The following SLC35F3 variants were observed in gnomAD, a reference collection of about 807,000 sequenced individuals.
The protein encoded by SLC35F3 is putative thiamine transporter SLC35F3.
SLC35F3 carries 25 observed loss-of-function variants against 49.9 expected under a neutral mutation model. The ratio of observed to expected loss-of-function variants is 0.50; its 90% CI spans 0.37 to 0.70. The LOEUF is 0.70. Ranked by LOEUF, SLC35F3 falls within the 30% of genes least tolerant of loss-of-function variation. The pLI is 0.00. For synonymous variants in SLC35F3, 275 were observed against 265.4 expected (o/e 1.04, Z -0.35); for missense variants, 525 against 639.8 (o/e 0.82, Z 1.94).
intron 2 of SLC35F3, among the ~76,000 whole-genome samples, chr1:234,108,467 T>A (rs1283580642): frequency 1.1e-5 from 1 of 90,586 alleles, no homozygotes; most frequent in Non-Finnish European, 2.2e-5. Context: ...TTTATATATA[T>A]AAAAGATATA....
chr1:234,069,245 A>G (rs1033363373), intron 2 of SLC35F3, among the ~76,000 whole-genome samples: 2 of 129,794 alleles, frequency 1.5e-5, no homozygotes, highest in African/African-American at 6.0e-5. Flanking sequence ...AAAATATATA[A>G]TATATATATA....
At chr1:234,236,018 G>C (rs1260297508) in intron 3 of SLC35F3, among the ~76,000 whole-genome samples, 1 of 152,146 alleles carries the variant, frequency 6.6e-6, no homozygotes, top group Admixed American at 6.5e-5. Flanking sequence ...CAAGATAAAT[G>C]GACTCTGGAA....
rs188976174 is a variant in SLC35F3, at chr1:233,916,055, C to A, written c.283+10297C>A. Among the ~76,000 whole-genome samples the A allele has an allele frequency of 1.7e-3, 261 of 152,272 alleles. 1 individual carries two copies. Among genetic ancestry groups the A allele is most frequent in the African/African-American group, 6.1e-3 (253 of 41,558 alleles). On this transcript the variant is annotated intron_variant, in intron 2 of 7. Coordinates refer to ENST00000366618, the MANE Select transcript of SLC35F3 (RefSeq NM_173508.4). ...ATAAACATTTTCCATGGCAAAAGTG[C>A]ATTACACTGGTGTGAGTACTAAGGA...
chr1:234,013,770 A>T (rs1177865342), intron 2 of SLC35F3, among the ~76,000 whole-genome samples: 2 of 152,016 alleles, frequency 1.3e-5, no homozygotes, highest in African/African-American at 4.8e-5. Context: ...TACAATTACC[A>T]AGACGGAATT....
In SLC35F3 at chr1:234,323,034, G is replaced by A. The variant is rs769492653; in HGVS notation, c.1264G>A (p.Val422Ile). The change falls in exon 8 of 8, where the codon GTC (valine) becomes ATC (isoleucine). Residue 422 changes from valine to isoleucine, a missense_variant. Val to Ile is a conservative substitution (Grantham distance 29). Transcript: ENST00000366618. This position sits in a 1 kb window ranked among gnomAD's most constrained non-coding sequence, Gnocchi z 4.5. ...GATTGATCACTACACCAGTCAGATC[G>A]TCTTCAATGGGGTCCGGGTCATCGC... ...AVIDHYTSQI[V>I]FNGVRVIAII... The A allele has an allele frequency of 1.2e-6, 2 of 1,613,964 alleles. No homozygotes were observed. The highest frequency in any genetic ancestry group is 2.7e-5 in the African/African-American group (2 of 75,002).
intron 2 of SLC35F3, among the ~76,000 whole-genome samples, chr1:234,108,651 A>G (rs1298219156): frequency 2.0e-5 from 2 of 101,032 alleles, no homozygotes; most frequent in Admixed American, 2.5e-4. Flanking sequence ...TAAAAGATAC[A>G]TATATTTATA....
chr1:233,947,169 C>T (rs1314782057), intron 2 of SLC35F3, among the ~76,000 whole-genome samples: 1 of 152,094 alleles, frequency 6.6e-6, no homozygotes, highest in Non-Finnish European at 1.5e-5. Flanking sequence ...TTTTTAAAAG[C>T]TAGTTTAAAA....
chr1:234,069,214 T>C (rs1278063657), intron 2 of SLC35F3, among the ~76,000 whole-genome samples: 6 of 141,432 alleles, frequency 4.2e-5, no homozygotes, highest in Non-Finnish European at 7.6e-5. Flanking sequence ...TTATATATTA[T>C]ATTATATATA....
chr1:234,238,547 A>G (rs1048207947), intron 3 of SLC35F3, among the ~76,000 whole-genome samples: 4 of 152,160 alleles, frequency 2.6e-5, no homozygotes, highest in African/African-American at 9.7e-5. Context: ...ACCACTCCAT[A>G]TAGTCTTCCC....
chr1:234,147,146 T>G (rs896165347), intron 2 of SLC35F3, among the ~76,000 whole-genome samples: 1 of 152,144 alleles, frequency 6.6e-6, no homozygotes, highest in East Asian at 1.9e-4. Context: ...TAAGTTTTAC[T>G]GTATTAAAGG....
intron 2 of SLC35F3, among the ~76,000 whole-genome samples, chr1:234,042,124 G>T (rs1043995925): frequency 6.6e-6 from 1 of 152,114 alleles, no homozygotes; most frequent in African/African-American, 2.4e-5. Context: ...AACTTGCCTT[G>T]GGGTTCTCTC....
chr1:233,932,197 A>G (rs1181488593), intron 2 of SLC35F3, among the ~76,000 whole-genome samples: 1 of 152,136 alleles, frequency 6.6e-6, no homozygotes, highest in Non-Finnish European at 1.5e-5. Flanking sequence ...CCTAATGTAG[A>G]TGACAGGTTG....
At chr1:234,201,212 C>G (rs913749011) in intron 2 of SLC35F3, among the ~76,000 whole-genome samples, 6 of 152,178 alleles carry the variant, frequency 3.9e-5, no homozygotes, top group African/African-American at 1.4e-4. Context: ...GACAAGTATC[C>G]TATGAATTAA....
intron 3 of SLC35F3, among the ~76,000 whole-genome samples, chr1:234,232,475 G>T (rs1372551769): frequency 7.8e-6 from 1 of 127,724 alleles, no homozygotes; most frequent in Non-Finnish European, 1.5e-5. Flanking sequence ...CAAAGTGGAG[G>T]CCTTCTGTGG....
At chr1:234,171,772 C>T (rs1666402620) in intron 2 of SLC35F3, among the ~76,000 whole-genome samples, 1 of 152,026 alleles carries the variant, frequency 6.6e-6, no homozygotes, top group Non-Finnish European at 1.5e-5. Context: ...TGTAGAATAA[C>T]TGTAGTTAAG....
intron 2 of SLC35F3, among the ~76,000 whole-genome samples, chr1:234,129,260 GA>G (rs1665697541): frequency 6.6e-6 from 1 of 152,124 alleles, no homozygotes. Flanking sequence ...GATCATCAGG[GA>G]AATACAAATT....
rs1286629573 is a variant in SLC35F3 at position 234,318,904 on chromosome 1, C to T, written c.1108C>T (p.Pro370Ser). 6.2e-7 allele frequency: 1 copy of T among 1,614,028 alleles called. No individual in the cohort carries two copies. The highest frequency in any genetic ancestry group is 8.5e-7 in the Non-Finnish European group (1 of 1,180,022). ...VEYWSSFDDIPWGNLCGFSVL... is the reference protein window; with the variant it reads ...VEYWSSFDDISWGNLCGFSVL... ...ATACTGGAGCTCTTTTGATGACATT[C>T]CATGGGGAAACCTTTGTGGATTTTC... The change falls in exon 6 of 8, where the codon CCA becomes TCA. Residue 370 changes from proline to serine, a missense_variant. Transcript: ENST00000366618.
chr1:234,306,717 C>T (rs1426763210), intron 3 of SLC35F3, among the ~76,000 whole-genome samples: 3 of 152,156 alleles, frequency 2.0e-5, no homozygotes, highest in Non-Finnish European at 4.4e-5. Context: ...TCCCCATTTC[C>T]AGCAACTTGG....
chr1:234,319,659 C>A (rs1657569528), intron 6 of SLC35F3, among the ~76,000 whole-genome samples: 1 of 152,132 alleles, frequency 6.6e-6, no homozygotes, highest in Admixed American at 6.5e-5. Flanking sequence ...TATGATTGCA[C>A]CACTGTGCAC....
Sources: allele counts gnomAD v4.1 joint callset (sites outside exome capture counted in the v4.1 genomes callset), GRCh38; gene constraint gnomAD v4.1.1; non-coding constraint Gnocchi (gnomAD v3.1); transcripts MANE v1.5; gene names NCBI Gene and HGNC (gene_info 2026-07-23, HGNC 2026-07-21).